PRKCH: variants seen among roughly 807,000 people sequenced by gnomAD.
PRKCH encodes the protein protein kinase C eta, also known as protein kinase C eta type.
PRKCH carries 28 observed loss-of-function variants against 82.5 expected under a neutral mutation model. The observed-to-expected ratio is 0.34, with a 90% CI of 0.25 to 0.47. The LOEUF (loss-of-function observed/expected upper bound fraction) is 0.47, where lower values mean the gene tolerates loss of function less well. Among genes scored for constraint, PRKCH ranks in the 20% least tolerant of loss-of-function variants. PRKCH has a pLI of 1.00. For missense variants in PRKCH, 705 were observed against 881.8 expected, an observed-to-expected ratio of 0.80 and a Z score of 2.54; for synonymous variants, 322 against 327.4, an observed-to-expected ratio of 0.98 and a Z score of 0.18.
intron 1 of PRKCH, among the ~76,000 whole-genome samples, chr14:61,235,478 C>T (rs913464298): frequency 3.3e-5 from 5 of 152,180 alleles, no homozygotes; most frequent in South Asian, 2.1e-4. Context: ...CCCCTACCAG[C>T]GCTTGAGCTG....
intron 1 of PRKCH, among the ~76,000 whole-genome samples, chr14:61,310,650 C>A (rs998907954): frequency 6.6e-6 from 1 of 152,188 alleles, no homozygotes; most frequent in Admixed American, 6.5e-5. Flanking sequence ...GTAGATCTAC[C>A]ATTCTGGGGT....
chr14:61,495,738 G>A (rs573765273), intron 10 of PRKCH, among the ~76,000 whole-genome samples: 4 of 152,018 alleles, frequency 2.6e-5, no homozygotes, highest in Non-Finnish European at 5.9e-5. Flanking sequence ...GAAAAATACA[G>A]GAAATAAAAC....
intron 2 of PRKCH, among the ~76,000 whole-genome samples, chr14:61,420,053 T>A (rs1882755282): frequency 6.6e-6 from 1 of 152,180 alleles, no homozygotes; most frequent in Non-Finnish European, 1.5e-5. Flanking sequence ...GGGCATTCCG[T>A]GGTGAGTGGG....
intron 1 of PRKCH, among the ~76,000 whole-genome samples, chr14:61,386,781 A>C (rs2046594353): frequency 6.6e-6 from 1 of 152,204 alleles, no homozygotes; most frequent in South Asian, 2.1e-4. Context: ...AGGGGATAGC[A>C]CGGATGTTAG....
intron 1 of PRKCH, chr14:61,279,928 GCCCC>G (rs1000015382): frequency 1.0e-4 from 67 of 643,782 alleles, no homozygotes; most frequent in Non-Finnish European, 1.6e-5. Context: ...CAGTCTAGCA[GCCCC>G]CCAAGAGCAA....
intron 2 of PRKCH, among the ~76,000 whole-genome samples, chr14:61,412,893 C>A (rs1594677935): frequency 6.6e-6 from 1 of 152,138 alleles, no homozygotes; most frequent in African/African-American, 2.4e-5. Context: ...TGCCAGGGAA[C>A]CTCTCTTCCT....
At chr14:61,380,195 ACTACAGGTG>A (rs144141963) in intron 1 of PRKCH, among the ~76,000 whole-genome samples, 138 of 152,154 alleles carry the variant, frequency 9.1e-4, no homozygotes, top group Non-Finnish European at 1.7e-3. Flanking sequence ...AGCAGCTGGG[ACTACAGGTG>A]CATGCCACCA....
chr14:61,304,012 T>A (rs1301860964), intron 1 of PRKCH: 1 of 152,042 alleles, frequency 6.6e-6, no homozygotes, highest in Non-Finnish European at 1.5e-5. Context: ...TTTTATTTAT[T>A]TTTAATTAAT....
intron 1 of PRKCH, among the ~76,000 whole-genome samples, chr14:61,237,596 C>A (rs529924345): frequency 1.3e-5 from 2 of 152,322 alleles, no homozygotes; most frequent in East Asian, 1.9e-4. Context: ...TTAACCCAGA[C>A]GCTCCTTTCT....
At chr14:61,257,164 T>G (rs2045004952) in intron 1 of PRKCH, among the ~76,000 whole-genome samples, 3 of 152,234 alleles carry the variant, frequency 2.0e-5, no homozygotes, top group Non-Finnish European at 4.4e-5. Flanking sequence ...TTGGTTCTTC[T>G]GTAAAGCCCT....
chr14:61,272,153 G>A (rs1346895457), intron 1 of PRKCH, among the ~76,000 whole-genome samples: 1 of 151,384 alleles, frequency 6.6e-6, no homozygotes, highest in East Asian at 2.0e-4. Context: ...GCGTGAACCC[G>A]GGGGGCGGAG....
rs201621317 is a variant in PRKCH, at chr14:61,231,425, C to T, written c.-19+43757C>T. On this transcript the variant is annotated intron_variant, in intron 1 of 3. Coordinates refer to the PRKCH transcript ENST00000555185. The stretch of plus-strand genomic sequence containing the variant: ...TCACCCAGGCTGGAGTGCAGTGGCG[C>T]GATCTCGGCTCACTGCAAGCTCTGC... Among the ~76,000 whole-genome samples, 101 of 148,500 alleles carry T rather than the reference C, an allele frequency of 6.8e-4. 2 individuals carry two copies. In the East Asian group the frequency reaches 0.015, roughly 22 times the overall value.
chr14:61,199,824 G>T (rs796637267), intron 1 of PRKCH, among the ~76,000 whole-genome samples: 1 of 152,122 alleles, frequency 6.6e-6, no homozygotes, highest in Non-Finnish European at 1.5e-5. Flanking sequence ...TAAGCTGCAC[G>T]CAAAGAATAT....
chr14:61,383,773 A>G (rs2046547247), intron 1 of PRKCH, among the ~76,000 whole-genome samples: 1 of 152,064 alleles, frequency 6.6e-6, no homozygotes, highest in African/African-American at 2.4e-5. Context: ...GCTGAGTGAT[A>G]GAGCCAGGAG....
At chr14:61,216,485 AT>A (rs1358000338) in intron 1 of PRKCH, among the ~76,000 whole-genome samples, 3 of 152,066 alleles carry the variant, frequency 2.0e-5, no homozygotes, top group African/African-American at 7.2e-5. Context: ...AAAAACAAAA[AT>A]TAAAAAAAAT....
chr14:61,402,846 T>A (rs1285744084), intron 2 of PRKCH, among the ~76,000 whole-genome samples: 2 of 150,842 alleles, frequency 1.3e-5, no homozygotes, highest in African/African-American at 4.9e-5. Context: ...GTCTTTTTTT[T>A]TAATTAATTA....
intron 10 of PRKCH, among the ~76,000 whole-genome samples, chr14:61,509,912 C>G (rs1032706015): frequency 6.6e-6 from 1 of 151,878 alleles, no homozygotes; most frequent in East Asian, 1.9e-4. Context: ...GAGGCTCCAT[C>G]TCAAAAAAAC....
chr14:61,453,046 A>C (rs1594722212), intron 6 of PRKCH, 180 bp from the exon 7 acceptor site: 3 of 691,186 alleles, frequency 4.3e-6, no homozygotes, highest in Non-Finnish European at 7.1e-6. Flanking sequence ...TGCAGAAAAC[A>C]GAAATAGATA....
At chr14:61,209,932 T>G (rs2044556424) in intron 1 of PRKCH, among the ~76,000 whole-genome samples, 1 of 151,604 alleles carries the variant, frequency 6.6e-6, no homozygotes, top group Non-Finnish European at 1.5e-5. Flanking sequence ...GTTAGTTCAC[T>G]GCAAATGTTT....
Sources: gnomAD v4.1 joint callset for allele counts (sites outside exome capture counted in the v4.1 genomes callset) on GRCh38, gnomAD v4.1.1 for gene constraint, MANE v1.5 for transcripts, NCBI Gene and HGNC (gene_info 2026-07-23, HGNC 2026-07-21) for gene names.